PRKD1: variants seen among roughly 807,000 people sequenced by gnomAD.
The protein encoded by PRKD1 is serine/threonine-protein kinase D1.
PRKD1 carries 63 observed loss-of-function variants against 95.9 expected under a neutral mutation model. The ratio of observed to expected loss-of-function variants is 0.66; its 90% CI spans 0.54 to 0.81. PRKD1 has a LOEUF of 0.81. Ranked by LOEUF, PRKD1 falls within the 30% of genes least tolerant of loss-of-function variation. The probability of loss-of-function intolerance (pLI) is 0.00; values close to 1 mark genes in which losing one functional copy is unlikely to be tolerated. For missense variants in PRKD1, 1,048 were observed against 1,165.3 expected, an observed-to-expected ratio of 0.90 and a Z score of 1.47; for synonymous variants, 425 against 423.1, an observed-to-expected ratio of 1.00 and a Z score of -0.05.
In PRKD1 at chr14:29,636,371, A is replaced by T; in HGVS notation, c.1109T>A (p.Met370Lys). Residue 370 changes from methionine to lysine, a missense_variant, in exon 7 of 18, where the codon ATG becomes AAG. By Grantham distance (95) the Met-to-Lys change is moderately conservative. Coordinates refer to ENST00000331968, the MANE Select transcript of PRKD1 (RefSeq NM_002742.3). ...MEEAMVQDAE[M>K]AMAECQNDSG... ...GTCGTTCTGGCACTCTGCCATTGCC[A>T]TCTCTGCATCTTGGACCATTGCTTC... The T allele has an allele frequency of 6.2e-7, 1 of 1,614,132 alleles. No homozygotes were observed. Among genetic ancestry groups the T allele is most frequent in the Non-Finnish European group, 8.5e-7 (1 of 1,180,028 alleles).
At chr14:29,899,042 T>A (rs927019653) in intron 1 of PRKD1, among the ~76,000 whole-genome samples, 30 of 152,334 alleles carry the variant, frequency 2.0e-4, no homozygotes, top group Admixed American at 1.4e-3. Flanking sequence ...TTCTCATTTA[T>A]GATTCAAATA....
intron 1 of PRKD1, among the ~76,000 whole-genome samples, chr14:29,867,847 G>C (rs1001496201): frequency 6.6e-5 from 10 of 152,200 alleles, no homozygotes; most frequent in Non-Finnish European, 8.8e-5. Flanking sequence ...GGAAGAGGCA[G>C]TTACAAATTA....
intron 4 of PRKD1, among the ~76,000 whole-genome samples, chr14:29,660,176 C>G (rs1460488110): frequency 6.6e-6 from 1 of 152,204 alleles, no homozygotes; most frequent in East Asian, 1.9e-4. Context: ...CCATTCTTTT[C>G]TCACAGCAGT....
At chr14:29,746,251 G>C (rs1174759595) in intron 1 of PRKD1, among the ~76,000 whole-genome samples, 1 of 152,048 alleles carries the variant, frequency 6.6e-6, no homozygotes, top group East Asian at 1.9e-4. Context: ...GTTAAGCAGG[G>C]AAAACTGAAT....
intron 1 of PRKD1, among the ~76,000 whole-genome samples, chr14:29,859,160 T>C (rs1202906240): frequency 6.6e-6 from 1 of 152,200 alleles, no homozygotes; most frequent in East Asian, 1.9e-4. Flanking sequence ...GCCAAGCTGC[T>C]TGTAAATCAC....
chr14:29,655,793 C>A (rs1286322277), intron 4 of PRKD1, among the ~76,000 whole-genome samples: 1 of 151,760 alleles, frequency 6.6e-6, no homozygotes, highest in South Asian at 2.1e-4. Context: ...CATTTGTATA[C>A]CATTTTTAAA....
intron 2 of PRKD1, among the ~76,000 whole-genome samples, chr14:29,711,142 C>CTT (rs1387776020): frequency 3.3e-5 from 5 of 152,068 alleles, no homozygotes; most frequent in African/African-American, 1.2e-4. Flanking sequence ...AACAGATAAA[C>CTT]ATTACACATT....
chr14:29,666,060 G>C lies in PRKD1; in HGVS notation c.535+17C>G. 6.4e-7 allele frequency: 1 copy of C among 1,574,234 alleles called. No homozygotes were observed. The highest frequency in any genetic ancestry group is 2.3e-5 in the East Asian group (1 of 44,166). On this transcript the variant is annotated intron_variant, in intron 3 of 17. Coordinates refer to ENST00000331968, the MANE Select transcript of PRKD1 (RefSeq NM_002742.3). ...GAACAGCACACATTTAACTTGCATG[G>C]GAAGAAAATAACTTACCTTCACATT...
rs972211704 is a variant in PRKD1, at chr14:29,773,488, A to C, written c.265-47814T>G. ...AAAAAAAAAAAAAAGGAGTAAAAAC[A>C]ATGCAAAAACCATTATATTATGTAG... is the stretch of plus-strand genomic sequence containing the variant. On this transcript the variant is annotated intron_variant, in intron 1 of 17. Transcript: ENST00000331968. Among the ~76,000 whole-genome samples the C allele has an allele frequency of 3.3e-5, 5 of 151,474 alleles. No individual in the cohort carries two copies. The South Asian group carries it at 1.0e-3, about 32-fold the overall frequency.
chr14:29,841,036 G>T (rs888382064), intron 1 of PRKD1, among the ~76,000 whole-genome samples: 1 of 152,324 alleles, frequency 6.6e-6, no homozygotes, highest in Middle Eastern at 3.4e-3. Flanking sequence ...AGATTTGACT[G>T]CCCTGCTGGA....
At chr14:29,604,864 C>T (rs1300449269) in intron 13 of PRKD1, among the ~76,000 whole-genome samples, 3 of 152,142 alleles carry the variant, frequency 2.0e-5, no homozygotes, top group Non-Finnish European at 4.4e-5. Flanking sequence ...ATTCAATTGT[C>T]TTTGGGGTAT....
intron 4 of PRKD1, among the ~76,000 whole-genome samples, chr14:29,661,465 G>C (rs1882185241): frequency 6.6e-6 from 1 of 152,114 alleles, no homozygotes; most frequent in African/African-American, 2.4e-5. Flanking sequence ...AAGGGATATA[G>C]GCATGGTACT....
rs76413791 is a variant in PRKD1 at position 29,912,316 on chromosome 14, C to A, written c.264+14933G>T. Among the ~76,000 whole-genome samples, 23 of 151,498 alleles carry A rather than the reference C, an allele frequency of 1.5e-4. No homozygotes were observed. In the East Asian group the frequency reaches 4.3e-3, roughly 28 times the overall value. On this transcript the variant is annotated intron_variant, in intron 1 of 17. Transcript: ENST00000331968. ...TTATTTTGTAATTTTCAAAAAAAAA[C>A]AATTATTTAATTAAAGTATAAAAAT...
chr14:29,632,833 G>A, intron 9 of PRKD1, 36 bp downstream of exon 9: 1 of 1,532,490 alleles, frequency 6.5e-7, no homozygotes, highest in Non-Finnish European at 9.0e-7. Flanking sequence ...AAAGCAATAA[G>A]AGGTATGAAA....
chr14:29,804,235 TAAAA>T (rs34903080), intron 1 of PRKD1, among the ~76,000 whole-genome samples: 3 of 120,324 alleles, frequency 2.5e-5, no homozygotes, highest in African/African-American at 3.0e-5. Flanking sequence ...AGAACGAAAC[TAAAA>T]AAAAAAAAAA....
intron 1 of PRKD1, among the ~76,000 whole-genome samples, chr14:29,859,627 G>T (rs899720862): frequency 2.7e-5 from 4 of 150,554 alleles, no homozygotes; most frequent in Admixed American, 2.7e-4. Context: ...AAAAAAATCT[G>T]ACAGTAATAA....
intron 1 of PRKD1, among the ~76,000 whole-genome samples, chr14:29,780,528 A>G (rs1471148221): frequency 1.3e-5 from 2 of 152,232 alleles, no homozygotes; most frequent in African/African-American, 2.4e-5. Context: ...GCCAACAGAC[A>G]CATGAAAAAA....
At chr14:29,891,970 C>A (rs1244825457) in intron 1 of PRKD1, among the ~76,000 whole-genome samples, 1 of 152,156 alleles carries the variant, frequency 6.6e-6, no homozygotes, top group African/African-American at 2.4e-5. Flanking sequence ...TTTAAAGGCC[C>A]ACTAATGCTG....
intron 1 of PRKD1, among the ~76,000 whole-genome samples, chr14:29,867,729 G>A (rs907164304): frequency 6.6e-6 from 1 of 152,230 alleles, no homozygotes; most frequent in Non-Finnish European, 1.5e-5. Context: ...GGGGGTATCT[G>A]CAGGAAGGTT....
Sources: allele counts gnomAD v4.1 joint callset (sites outside exome capture counted in the v4.1 genomes callset), GRCh38; gene constraint gnomAD v4.1.1; transcripts MANE v1.5; gene names NCBI Gene and HGNC (gene_info 2026-07-23, HGNC 2026-07-21).